Variants in CHD8 observed in about 807,000 individuals in gnomAD.
CHD8 encodes ATP-dependent chromatin remodeler CHD8.
CHD8 carries 31 observed loss-of-function variants against 279.2 expected under a neutral mutation model. That is an observed-to-expected ratio of 0.11 (90% CI 0.08 to 0.15). The LOEUF (loss-of-function observed/expected upper bound fraction) is 0.15. Ranked by LOEUF, CHD8 falls within the 10% of genes least tolerant of loss-of-function variation. The pLI, the probability that CHD8 is intolerant of heterozygous loss-of-function variation, is 1.00. For missense variants in CHD8, 2,146 were observed against 3,230.5 expected (o/e 0.66, Z 8.14); for synonymous variants, 1,081 against 1,139.6 (o/e 0.95, Z 1.04).
intron 2 of CHD8, 114 bp from the exon 3 acceptor site, chr14:21,429,449 C>A: frequency 9.7e-7 from 1 of 1,033,426 alleles, no homozygotes; most frequent in Non-Finnish European, 1.5e-6. Context: ...TCAGAAGACA[C>A]AGTACAACTC....
At position 21,400,354 on chromosome 14, in the gene CHD8, G is replaced by C. The variant is rs770061797; in HGVS notation, c.4571-47C>G. 3.1e-6 allele frequency: 5 copies of C among 1,609,430 alleles called. No homozygotes were observed. The African/African-American group carries it at 6.7e-5, about 22-fold the overall frequency. ...AGACTTGGATTGAGAAAAACCCTTG[G>C]ACCTGAAAAGGATTAGATTAACCTA... On this transcript the variant is annotated intron_variant, in intron 23 of 37. Coordinates refer to ENST00000646647, the MANE Select transcript of CHD8 (RefSeq NM_001170629.2). The surrounding 1 kb of genome is among the most constrained non-coding windows in gnomAD (Gnocchi z 4.2).
Position 21,434,060 on chromosome 14 carries a change from T to C in CHD8, c.-215-2202A>G, listed in dbSNP as rs1381633383. On this transcript the variant is annotated intron_variant, in intron 1 of 37. Coordinates refer to ENST00000646647, the MANE Select transcript of CHD8 (RefSeq NM_001170629.2). ...GTTTCTTTTTTTTTTTTTTTTTTTT[T>C]CTGAGACAGAGTTTCACTCTTGTCG... Among the ~76,000 whole-genome samples, 16 of 147,138 alleles carry C rather than the reference T, an allele frequency of 1.1e-4. No homozygotes were observed. The South Asian group carries it at 1.7e-3, about 16-fold the overall frequency.
chr14:21,401,252 G>T, intron 21 of CHD8, 151 bp downstream of exon 21: 1 of 727,598 alleles, frequency 1.4e-6, no homozygotes, highest in East Asian at 2.8e-5. Context: ...ACTTTTCTGG[G>T]GCCTCCTAGG....
rs371997800 is a variant in CHD8 at position 21,425,922 on chromosome 14, G to A, written c.1716+206C>T. The A allele has an allele frequency of 1.0e-4, 56 of 534,608 alleles. No homozygotes were observed. The South Asian group carries it at 1.4e-3, about 13-fold the overall frequency. 33.1% of individuals were successfully genotyped at this position (534,608 alleles called of 1,614,324 possible). A position where few individuals can be genotyped will look rare whatever the true frequency, so the allele number is the denominator to read the frequency against. On this transcript the variant is annotated intron_variant, in intron 5 of 37. Transcript: ENST00000646647. The stretch of plus-strand genomic sequence containing the variant: ...CTGCACTTCAGGCCTGGGTGAGAGA[G>A]CAAGACTCTGTCTCAAGAAGAAGAA...
rs1489714783 is a variant in CHD8, at chr14:21,391,874, G to A, written c.6844C>T (p.Leu2282=). ...CTGTTCCCCTTCTTCTTATGAAACAGTGGATGTCCATCTCCCATTACTCCA... is the reference window on the plus strand; with the variant it reads ...CTGTTCCCCTTCTTCTTATGAAACAATGGATGTCCATCTCCCATTACTCCA... ...ANGVMGDGHP[L]FHKKKGNRKK... The change falls in exon 35 of 38, where the codon CTG becomes TTG. Residue 2282 remains leucine (L), a synonymous_variant. Coordinates refer to ENST00000646647, the MANE Select transcript of CHD8 (RefSeq NM_001170629.2). 1 of 1,613,690 alleles carries A rather than the reference G, an allele frequency of 6.2e-7. No individual in the cohort carries two copies.
chr14:21,414,890 C>A lies in CHD8; in HGVS notation c.2024+48G>T, dbSNP rs1471251981. On this transcript the variant is annotated intron_variant, in intron 8 of 37. Transcript: ENST00000646647. ...CCAGGATACCCAGGAGAACTTTTTA[C>A]CACCCTGTGGAATTTGGGGTGACAA... 2.7e-6 allele frequency: 4 copies of A among 1,474,470 alleles called. No individual in the cohort carries two copies. In the African/African-American group the frequency reaches 4.2e-5, roughly 15 times the overall value. The allele number at this position is 1,474,470 out of a possible 1,614,324, so 91.3% of individuals were successfully genotyped here.
chr14:21,431,950 A>G (rs1889582908), intron 1 of CHD8, 92 bp from the exon 2 acceptor site: 18 of 750,186 alleles, frequency 2.4e-5, no homozygotes, highest in Non-Finnish European at 4.1e-5. Context: ...CTTAATATCA[A>G]ATAGCATGAA....
chr14:21,419,404 T>C (rs1888908498), intron 5 of CHD8, among the ~76,000 whole-genome samples: 1 of 151,846 alleles, frequency 6.6e-6, no homozygotes, highest in Non-Finnish European at 1.5e-5. Context: ...ACTAAAAATA[T>C]AAAAAATCAC....
chr14:21,441,618 G>GT (rs1665295963), intron 1 of CHD8, among the ~76,000 whole-genome samples: 1 of 152,058 alleles, frequency 6.6e-6, no homozygotes, highest in Non-Finnish European at 1.5e-5. Context: ...GCTGGGCGTG[G>GT]TGGCTCATGC....
At chr14:21,455,762 C>T (rs369351333) in intron 1 of CHD8, among the ~76,000 whole-genome samples, 1 of 151,842 alleles carries the variant, frequency 6.6e-6, no homozygotes, top group Non-Finnish European at 1.5e-5. Flanking sequence ...CAATGACAAG[C>T]CCTGAAAACT....
chr14:21,412,851 G>T, intron 10 of CHD8, 62 bp downstream of exon 10: 1 of 1,048,068 alleles, frequency 9.5e-7, no homozygotes, highest in Non-Finnish European at 1.5e-6. Context: ...ATAAAGGATT[G>T]GCAAACCCAC....
At chr14:21,436,478 A>G (rs1889784095) in intron 1 of CHD8, among the ~76,000 whole-genome samples, 2 of 152,232 alleles carry the variant, frequency 1.3e-5, no homozygotes, top group South Asian at 4.1e-4. Context: ...AGTGAATGCA[A>G]TCACAATTTA....
At chr14:21,386,530 A>G (rs542703182) in intron 37 of CHD8, among the ~76,000 whole-genome samples, 29 of 152,350 alleles carry the variant, frequency 1.9e-4, no homozygotes, top group African/African-American at 6.5e-4. Flanking sequence ...ATGAATTAGT[A>G]AATGCACATA....
chr14:21,409,431 T>C (rs1307982473), intron 11 of CHD8, among the ~76,000 whole-genome samples: 3 of 152,192 alleles, frequency 2.0e-5, no homozygotes, highest in Admixed American at 6.5e-5. Context: ...TATATGGACC[T>C]TACTGAGAAC....
intron 1 of CHD8, chr14:21,437,229 CCT>C (rs1365367191): frequency 2.9e-5 from 34 of 1,185,788 alleles, no homozygotes; most frequent in East Asian, 1.2e-4. Flanking sequence ...CGCCCCTCTC[CCT>C]GTCTCTCCAG....
At position 21,409,944 on chromosome 14, in the gene CHD8, C is replaced by T; in HGVS notation, c.2271G>A (p.Glu757=). 1 of 1,613,510 alleles carries T rather than the reference C, an allele frequency of 6.2e-7. No homozygotes were observed. The highest frequency in any genetic ancestry group is 8.5e-7 in the Non-Finnish European group (1 of 1,179,556). The change falls in exon 11 of 38, where the codon GAG becomes GAA. Residue 757 remains glutamate (E), a synonymous_variant. Coordinates refer to ENST00000646647, the MANE Select transcript of CHD8 (RefSeq NM_001170629.2). The part of the protein sequence containing the change: ...YLVKWCSLPY[E]DSTWELKEDV... Reference sequence around the variant, plus strand: ...CTTCTTTTAGCTCCCATGTGCTATCCTCATAGGGCAGAGAGCACCATTTCA... The same window carrying T: ...CTTCTTTTAGCTCCCATGTGCTATCTTCATAGGGCAGAGAGCACCATTTCA...
intron 5 of CHD8, among the ~76,000 whole-genome samples, chr14:21,423,847 T>C (rs527669534): frequency 2.6e-5 from 4 of 152,314 alleles, no homozygotes; most frequent in African/African-American, 7.2e-5. Context: ...GTAAGTACTA[T>C]TACCCACATT....
At chr14:21,452,282 T>C (rs556758046) in intron 1 of CHD8, among the ~76,000 whole-genome samples, 13 of 150,918 alleles carry the variant, frequency 8.6e-5, no homozygotes, top group Admixed American at 4.6e-4. Context: ...CCCAAAGTGC[T>C]GGGATTACAG....
chr14:21,447,518 C>T (rs1477129521), intron 1 of CHD8, among the ~76,000 whole-genome samples: 4 of 152,000 alleles, frequency 2.6e-5, no homozygotes, highest in African/African-American at 7.2e-5. Context: ...AGTACAGGCA[C>T]GCACCACCAC....
Sources: allele counts gnomAD v4.1 joint callset (sites outside exome capture counted in the v4.1 genomes callset), GRCh38; gene constraint gnomAD v4.1.1; non-coding constraint Gnocchi (gnomAD v3.1); transcripts MANE v1.5; gene names NCBI Gene and HGNC (gene_info 2026-07-23, HGNC 2026-07-21).